LIPA: variants seen among roughly 807,000 people sequenced by gnomAD.
LIPA encodes the protein lysosomal acid lipase/cholesteryl ester hydrolase.
A neutral mutation model predicts 40.6 loss-of-function variants in LIPA; 26 were observed. That is an observed-to-expected ratio of 0.64 (90% confidence interval 0.47 to 0.89). The LOEUF (loss-of-function observed/expected upper bound fraction) is 0.89, where lower values mean the gene tolerates loss of function less well. Ranked by LOEUF, LIPA falls within the 40% of genes least tolerant of loss-of-function variation. The pLI, the probability that LIPA is intolerant of heterozygous loss-of-function variation, is 0.00. For synonymous variants in LIPA, 188 were observed against 168.4 expected, an observed-to-expected ratio of 1.12 and a Z score of -0.90; for missense variants, 455 against 479.6, an observed-to-expected ratio of 0.95 and a Z score of 0.48.
chr10:89,215,430 C>G (rs1417091936), intron 9 of LIPA, among the ~76,000 whole-genome samples: 1 of 152,182 alleles, frequency 6.6e-6, no homozygotes, highest in Non-Finnish European at 1.5e-5. Flanking sequence ...GGGTGTAAGA[C>G]AAGTCACAGA....
At chr10:89,279,252 A>G (rs1019916660) in intron 1 of LIPA, among the ~76,000 whole-genome samples, 1 of 152,160 alleles carries the variant, frequency 6.6e-6, no homozygotes, top group Non-Finnish European at 1.5e-5. Flanking sequence ...CTCCCTGCCC[A>G]TAGTATGGTA....
chr10:89,274,883 GC>G (rs1843282314), intron 1 of LIPA, among the ~76,000 whole-genome samples: 1 of 152,122 alleles, frequency 6.6e-6, no homozygotes, highest in Admixed American at 6.6e-5. Context: ...ATTAGAAGAG[GC>G]TTCTGGTGCT....
At chr10:89,218,413 C>G (rs1333871988) in intron 8 of LIPA, among the ~76,000 whole-genome samples, 1 of 152,230 alleles carries the variant, frequency 6.6e-6, no homozygotes, top group South Asian at 2.1e-4. Context: ...ACTTTAGTTA[C>G]TGACCCGGAA....
intron 2 of LIPA, among the ~76,000 whole-genome samples, chr10:89,356,198 T>C (rs1180824829): frequency 2.0e-5 from 3 of 151,980 alleles, no homozygotes; most frequent in South Asian, 2.1e-4. Context: ...AAGAGTTGCA[T>C]AGGGCAAGGT....
At chr10:89,306,728 C>A (rs750923936) in intron 1 of LIPA, 1 of 1,613,980 alleles carries the variant, frequency 6.2e-7, no homozygotes. Context: ...CAAGTTTTAT[C>A]GAAGAAAAGA....
intron 1 of LIPA, among the ~76,000 whole-genome samples, chr10:89,330,717 A>G (rs957210392): frequency 6.7e-6 from 1 of 149,776 alleles, no homozygotes; most frequent in Non-Finnish European, 1.5e-5. Context: ...AGGTCACTGA[A>G]ATCCAGGTGT....
chr10:89,334,478 C>CTTTTTTTTTTTTTTTTTT lies in LIPA; in HGVS notation c.-2+8115_-2+8132dup, dbSNP rs578154457. On this transcript the variant is annotated intron_variant, in intron 1 of 5. Transcript: ENST00000282673. ...TGTTTTTTCTTCTTTTTCTTTTATT[C>CTTTTTTTTTTTTTTTTTT]TTTTTTTTTTTTTTTTTTTTTTTTT... is the stretch of plus-strand genomic sequence containing the variant. Among the ~76,000 whole-genome samples, 34 of 25,332 alleles carry CTTTTTTTTTTTTTTTTTT rather than the reference C, an allele frequency of 1.3e-3. 3 individuals are homozygous for CTTTTTTTTTTTTTTTTTT. Among genetic ancestry groups the CTTTTTTTTTTTTTTTTTT allele is most frequent in the Admixed American group, 1.7e-3 (3 of 1,770 alleles). The allele number at this position is 25,332 out of a possible 152,430, so 16.6% of individuals were successfully genotyped here. A position where few individuals can be genotyped will look rare whatever the true frequency, so the allele number is the denominator to read the frequency against.
chr10:89,344,019 C>G (rs1843895018), upstream of LIPA, among the ~76,000 whole-genome samples: 1 of 152,174 alleles, frequency 6.6e-6, no homozygotes, highest in African/African-American at 2.4e-5. Context: ...CACTTAGTAT[C>G]TCTACAGTGT....
At chr10:89,384,314 T>C in intron 2 of LIPA, 1 of 1,614,222 alleles carries the variant, frequency 6.2e-7, no homozygotes, top group South Asian at 1.1e-5. Context: ...AAGACTATAA[T>C]GTTAAAGCGA....
chr10:89,408,262 T>C (rs1230647316), intron 2 of LIPA, among the ~76,000 whole-genome samples: 2 of 152,240 alleles, frequency 1.3e-5, no homozygotes. Flanking sequence ...AATGGCCACC[T>C]GAGGGAAGTA....
upstream of LIPA, among the ~76,000 whole-genome samples, chr10:89,344,321 G>A (rs1843897871): frequency 6.6e-6 from 1 of 152,182 alleles, no homozygotes; most frequent in African/African-American, 2.4e-5. Flanking sequence ...TTGTGTTGGT[G>A]ATCTACATCA....
intron 1 of LIPA, among the ~76,000 whole-genome samples, chr10:89,300,384 T>C (rs889822470): frequency 1.3e-5 from 2 of 152,232 alleles, no homozygotes; most frequent in African/African-American, 4.8e-5. Context: ...AACAATATTA[T>C]GTATATTTTA....
At chr10:89,229,243 G>A (rs900078029) in intron 3 of LIPA, among the ~76,000 whole-genome samples, 2 of 152,204 alleles carry the variant, frequency 1.3e-5, no homozygotes, top group Non-Finnish European at 2.9e-5. Context: ...ACCAAGATCT[G>A]TAAAGGCTGC....
At chr10:89,290,600 A>G (rs1843368423) in intron 1 of LIPA, among the ~76,000 whole-genome samples, 1 of 152,234 alleles carries the variant, frequency 6.6e-6, no homozygotes, top group Non-Finnish European at 1.5e-5. Context: ...AAAAAAGTGA[A>G]AACGTCCTGT....
chr10:89,398,450 G>T (rs889027477), intron 2 of LIPA, among the ~76,000 whole-genome samples: 8 of 152,184 alleles, frequency 5.3e-5, no homozygotes, highest in Non-Finnish European at 1.0e-4. Context: ...CTGGCCACTA[G>T]AGCCAGGCAG....
At chr10:89,235,046 A>T (rs1842888027) in intron 3 of LIPA, among the ~76,000 whole-genome samples, 1 of 152,216 alleles carries the variant, frequency 6.6e-6, no homozygotes, top group African/African-American at 2.4e-5. Flanking sequence ...AACAAGAGAG[A>T]AGTCTCTAGA....
intron 2 of LIPA, among the ~76,000 whole-genome samples, chr10:89,390,155 T>C (rs1400022764): frequency 6.6e-6 from 1 of 151,850 alleles, no homozygotes; most frequent in African/African-American, 2.4e-5. Flanking sequence ...CCCGGCTAAT[T>C]ATGTATTTTT....
intron 1 of LIPA, among the ~76,000 whole-genome samples, chr10:89,327,738 T>C (rs1014714106): frequency 2.6e-5 from 4 of 152,228 alleles, no homozygotes; most frequent in African/African-American, 9.7e-5. Flanking sequence ...ATTTAATTTT[T>C]TGGTTTACAT....
At chr10:89,262,565 T>G (rs1244784053) in intron 1 of LIPA, among the ~76,000 whole-genome samples, 1 of 152,192 alleles carries the variant, frequency 6.6e-6, no homozygotes, top group Admixed American at 6.5e-5. Flanking sequence ...TCTGCAGATA[T>G]CATCAGAGTA....
Sources: allele counts gnomAD v4.1 joint callset (sites outside exome capture counted in the v4.1 genomes callset), GRCh38; gene constraint gnomAD v4.1.1; transcripts MANE v1.5; gene names NCBI Gene and HGNC (gene_info 2026-07-23, HGNC 2026-07-21).